Variants in EFR3A observed in about 807,000 individuals in gnomAD.
EFR3A encodes the protein protein EFR3 homolog A.
A neutral mutation model predicts 104.4 loss-of-function variants in EFR3A; 76 were observed. The observed-to-expected ratio is 0.73, with a 90% confidence interval of 0.60 to 0.88. The LOEUF (loss-of-function observed/expected upper bound fraction) is 0.88. EFR3A is among the 40% of genes least tolerant of loss of function. EFR3A has a pLI of 0.00. For synonymous variants in EFR3A, 330 were observed against 330.0 expected, an observed-to-expected ratio of 1.00 and a Z score of 0.00; for missense variants, 985 against 1,012.5, an observed-to-expected ratio of 0.97 and a Z score of 0.37.
intron 1 of EFR3A, among the ~76,000 whole-genome samples, chr8:131,909,100 G>A (rs1244286295): frequency 6.6e-6 from 1 of 152,156 alleles, no homozygotes; most frequent in East Asian, 1.9e-4. Context: ...CTAACTGTAT[G>A]ATTTACCTAT....
At chr8:132,001,852 C>CT (rs1326277911) in intron 20 of EFR3A, 45 bp downstream of exon 20, 1 of 1,499,172 alleles carries the variant, frequency 6.7e-7, no homozygotes, top group African/African-American at 1.4e-5. Context: ...TTTAACTTAT[C>CT]TTTATCTGCT....
At chr8:131,908,304 CCCGT>C in intron 1 of EFR3A, among the ~76,000 whole-genome samples, 1 of 152,240 alleles carries the variant, frequency 6.6e-6, no homozygotes, top group Admixed American at 6.5e-5. Flanking sequence ...TCGTGATCCA[CCCGT>C]CTCGGCCTCC....
chr8:131,916,292 G>A (rs1353552576), intron 1 of EFR3A, among the ~76,000 whole-genome samples: 2 of 152,196 alleles, frequency 1.3e-5, no homozygotes, highest in East Asian at 3.8e-4. Flanking sequence ...TTGTAGGAAG[G>A]ACTGCAGTGA....
chr8:131,915,204 A>G lies in EFR3A; in HGVS notation c.10+10882A>G, dbSNP rs558966092. 3.3e-5 allele frequency among the ~76,000 whole-genome samples: 5 copies of G among 152,342 alleles called. 1 individual carries two copies. Among genetic ancestry groups the G allele is most frequent in the African/African-American group, 1.2e-4 (5 of 41,580 alleles). On this transcript the variant is annotated intron_variant, in intron 1 of 22. Transcript: ENST00000254624. The stretch of plus-strand genomic sequence containing the variant: ...TTTGAGGTTTATAGTATTAGACATT[A>G]GAATATGCCCTCTGACAAGAATTTA...
At chr8:131,981,021 T>TA (rs1820581769) in intron 14 of EFR3A, among the ~76,000 whole-genome samples, 2 of 126,026 alleles carry the variant, frequency 1.6e-5, no homozygotes, top group South Asian at 2.8e-4. Flanking sequence ...GTATTTCATT[T>TA]TATATATATA....
intron 22 of EFR3A, among the ~76,000 whole-genome samples, chr8:132,009,994 T>TTAAA (rs1349288972): frequency 6.6e-6 from 1 of 151,978 alleles, no homozygotes; most frequent in Admixed American, 6.6e-5. Context: ...GGCAGTGGAC[T>TTAAA]TAAATAGGCA....
chr8:131,946,321 T>G (rs112706274), intron 3 of EFR3A, among the ~76,000 whole-genome samples, 162 bp from the exon 4 acceptor site: 1 of 152,136 alleles, frequency 6.6e-6, no homozygotes, highest in African/African-American at 2.4e-5. Flanking sequence ...CTACAAGATA[T>G]TAGTGCTGTG....
chr8:131,943,632 CT>C (rs1253200806), intron 2 of EFR3A, among the ~76,000 whole-genome samples: 1 of 151,954 alleles, frequency 6.6e-6, no homozygotes, highest in Non-Finnish European at 1.5e-5. Flanking sequence ...TAATTACTTA[CT>C]TTTGGGGGCT....
intron 1 of EFR3A, among the ~76,000 whole-genome samples, chr8:131,925,166 A>G (rs1817237624): frequency 6.6e-6 from 1 of 152,158 alleles, no homozygotes; most frequent in Admixed American, 6.6e-5. Flanking sequence ...TGAAGATATC[A>G]CAGACTAGTC....
At chr8:131,940,107 G>C (rs1818088644) in intron 1 of EFR3A, 1 of 178,422 alleles carries the variant, frequency 5.6e-6, no homozygotes, top group Admixed American at 5.6e-5. Context: ...ATCCAAAGGA[G>C]GGGGTCTAGC....
At chr8:131,953,609 CATG>C (rs1563658422) in intron 5 of EFR3A, among the ~76,000 whole-genome samples, 1 of 152,018 alleles carries the variant, frequency 6.6e-6, no homozygotes, top group Non-Finnish European at 1.5e-5. Context: ...ATTTTAAGAA[CATG>C]ATATTTGAAG....
In EFR3A at chr8:131,949,191, G is replaced by T. The variant is rs574465572; in HGVS notation, c.367-778G>T. Among the ~76,000 whole-genome samples the T allele has an allele frequency of 6.6e-5, 10 of 151,892 alleles. No individual in the cohort carries two copies. In the East Asian group the frequency reaches 1.7e-3, roughly 26 times the overall value. ...TACATGTTAATACTATGCAACATTG[G>T]TTCATGTTCTTTAAAAGAAATAATA... On this transcript the variant is annotated intron_variant, in intron 4 of 22. Coordinates refer to ENST00000254624, the MANE Select transcript of EFR3A (RefSeq NM_015137.6).
chr8:131,958,666 AAGC>A (rs1262017696), intron 7 of EFR3A, among the ~76,000 whole-genome samples: 1 of 152,116 alleles, frequency 6.6e-6, no homozygotes, highest in Admixed American at 6.5e-5. Flanking sequence ...AAGTTATAAG[AAGC>A]AGCACAGATG....
At chr8:132,001,833 C>T (rs1821795733) in intron 20 of EFR3A, 26 bp downstream of exon 20, 3 of 1,589,424 alleles carry the variant, frequency 1.9e-6, no homozygotes, top group African/African-American at 1.3e-5. Flanking sequence ...CTTGTTAGTA[C>T]TACCAATATT....
intron 3 of EFR3A, 86 bp from the exon 4 acceptor site, chr8:131,946,397 A>G (rs1769869760): frequency 7.8e-7 from 1 of 1,284,920 alleles, no homozygotes; most frequent in Non-Finnish European, 1.0e-6. Flanking sequence ...ATTTCAATAG[A>G]CTTATTTCAG....
chr8:131,980,525 A>T (rs1032188684), intron 14 of EFR3A, among the ~76,000 whole-genome samples: 1 of 152,100 alleles, frequency 6.6e-6, no homozygotes, highest in Non-Finnish European at 1.5e-5. Flanking sequence ...ACAATTTTTT[A>T]AAATATTTTT....
At chr8:131,980,200 A>G (rs1038794872) in intron 14 of EFR3A, among the ~76,000 whole-genome samples, 3 of 152,018 alleles carry the variant, frequency 2.0e-5, no homozygotes, top group Admixed American at 6.6e-5. Flanking sequence ...CCCGTAATCC[A>G]TGTTCTTTTT....
At chr8:131,965,376 AAAC>A (rs1217244110) in intron 8 of EFR3A, among the ~76,000 whole-genome samples, 1 of 152,024 alleles carries the variant, frequency 6.6e-6, no homozygotes, top group Non-Finnish European at 1.5e-5. Flanking sequence ...TGCAAGAAAA[AAAC>A]AACATCAACA....
At chr8:131,970,394 A>G in intron 9 of EFR3A, 82 bp from the exon 10 acceptor site, 1 of 1,285,342 alleles carries the variant, frequency 7.8e-7, no homozygotes, top group Non-Finnish European at 1.1e-6. Context: ...TTACAGAAAC[A>G]ATCTGTGGAG....
Sources: allele counts gnomAD v4.1 joint callset (sites outside exome capture counted in the v4.1 genomes callset), GRCh38; gene constraint gnomAD v4.1.1; transcripts MANE v1.5; gene names NCBI Gene and HGNC (gene_info 2026-07-23, HGNC 2026-07-21).